Variants in LRP1B observed in about 807,000 individuals in gnomAD.
The protein encoded by LRP1B is LDL receptor related protein 1B.
LRP1B carries 217 observed loss-of-function variants against 556.6 expected under a neutral mutation model. The observed-to-expected ratio is 0.39, with a 90% confidence interval of 0.35 to 0.44. The LOEUF is 0.44. Ranked by LOEUF, LRP1B falls within the 20% of genes least tolerant of loss-of-function variation. The pLI is 1.00. For synonymous variants in LRP1B, 2,047 were observed against 1,865.8 expected (o/e 1.10, Z -2.50); for missense variants, 5,053 against 5,620.8 (o/e 0.90, Z 3.23).
intron 2 of LRP1B, among the ~76,000 whole-genome samples, chr2:141,622,802 A>C (rs1337778015): frequency 6.6e-6 from 1 of 152,190 alleles, no homozygotes; most frequent in African/African-American, 2.4e-5. Flanking sequence ...CCTGCTGCTC[A>C]TTCCAAATTT....
At chr2:140,985,110 T>C (rs951235823) in intron 17 of LRP1B, among the ~76,000 whole-genome samples, 1 of 152,024 alleles carries the variant, frequency 6.6e-6, no homozygotes, top group Non-Finnish European at 1.5e-5. Context: ...GAATTGTTTA[T>C]CTAGCTGCTG....
chr2:141,679,132 T>C (rs1325096936), intron 2 of LRP1B, among the ~76,000 whole-genome samples: 1 of 152,074 alleles, frequency 6.6e-6, no homozygotes, highest in Non-Finnish European at 1.5e-5. Context: ...CCAATGAGAA[T>C]CTGAGACCCT....
chr2:141,996,378 G>A (rs1350593709), intron 1 of LRP1B, among the ~76,000 whole-genome samples: 1 of 144,644 alleles, frequency 6.9e-6, no homozygotes, highest in Non-Finnish European at 1.5e-5. Flanking sequence ...ATGTCATCCT[G>A]ACCTCCCCTA....
chr2:141,085,194 G>T, intron 7 of LRP1B, among the ~76,000 whole-genome samples: 1 of 152,132 alleles, frequency 6.6e-6, no homozygotes, highest in South Asian at 2.1e-4. Context: ...CACATATATA[G>T]ACAAACATTT....
At chr2:141,832,327 T>TCACACACACA (rs869062999) in intron 1 of LRP1B, among the ~76,000 whole-genome samples, 10 of 143,864 alleles carry the variant, frequency 7.0e-5, no homozygotes, top group South Asian at 2.2e-4. Flanking sequence ...TCTTTCTCTC[T>TCACACACACA]CACACACACA....
At chr2:141,252,198 C>A (rs1453219593) in intron 4 of LRP1B, among the ~76,000 whole-genome samples, 1 of 146,822 alleles carries the variant, frequency 6.8e-6, no homozygotes, top group Non-Finnish European at 1.5e-5. Flanking sequence ...CCCACCACCC[C>A]CCACCCCCTA....
At chr2:141,619,621 G>C (rs1688431955) in intron 2 of LRP1B, among the ~76,000 whole-genome samples, 1 of 152,138 alleles carries the variant, frequency 6.6e-6, no homozygotes, top group African/African-American at 2.4e-5. Flanking sequence ...TTAAAAATGA[G>C]TTATTAAGAA....
chr2:140,305,514 C>T (rs1014678924), intron 83 of LRP1B, among the ~76,000 whole-genome samples: 1 of 152,190 alleles, frequency 6.6e-6, no homozygotes, highest in Non-Finnish European at 1.5e-5. Context: ...TATCCTGAGA[C>T]TTTGCTGAAG....
At chr2:140,605,457 T>C (rs116522803) in intron 41 of LRP1B, among the ~76,000 whole-genome samples, 6,249 of 152,270 alleles carry the variant, frequency 0.041, 177 homozygotes, top group Middle Eastern at 0.082. Flanking sequence ...CACTACTTAC[T>C]GAAATTGTGT....
At chr2:141,677,207 T>C (rs1252026360) in intron 2 of LRP1B, among the ~76,000 whole-genome samples, 2 of 151,986 alleles carry the variant, frequency 1.3e-5, no homozygotes. Flanking sequence ...TCATGAACAA[T>C]GAAATTTGTT....
chr2:140,243,814 G>T (rs559781848), intron 87 of LRP1B, among the ~76,000 whole-genome samples: 32 of 151,126 alleles, frequency 2.1e-4, no homozygotes, highest in African/African-American at 6.8e-4. Flanking sequence ...CACGGTTGTT[G>T]TACCTGCTGT....
Position 140,239,816 on chromosome 2 carries a change from C to T in LRP1B, c.13325-284G>A, listed in dbSNP as rs557832859. Among the ~76,000 whole-genome samples the T allele has an allele frequency of 4.0e-5, 6 of 150,896 alleles. No homozygotes were observed. In the South Asian group the frequency reaches 1.2e-3, roughly 31 times the overall value. On this transcript the variant is annotated intron_variant, in intron 87 of 90. Transcript: ENST00000389484. ...TTTGTTGATCTGTGTTTAGTGATTC[C>T]CATCACACACATTTACTAGCAATGA...
intron 3 of LRP1B, among the ~76,000 whole-genome samples, chr2:141,349,264 C>T (rs568236090): frequency 1.9e-4 from 29 of 152,000 alleles, no homozygotes; most frequent in African/African-American, 6.8e-4. Flanking sequence ...TAATGTAACG[C>T]AAAAATGAAA....
intron 41 of LRP1B, among the ~76,000 whole-genome samples, chr2:140,644,976 C>T (rs1684429339): frequency 2.0e-5 from 3 of 151,864 alleles, no homozygotes; most frequent in African/African-American, 7.3e-5. Flanking sequence ...TTGTTCAAGC[C>T]ATTAAACATA....
chr2:140,547,002 G>A (rs1164631727), intron 43 of LRP1B, among the ~76,000 whole-genome samples: 4 of 152,134 alleles, frequency 2.6e-5, no homozygotes, highest in Admixed American at 2.0e-4. Context: ...GAGGGATAAA[G>A]CCTACTTGAT....
intron 2 of LRP1B, among the ~76,000 whole-genome samples, chr2:141,625,337 T>C (rs1168237620): frequency 6.6e-6 from 1 of 152,194 alleles, no homozygotes; most frequent in East Asian, 1.9e-4. Flanking sequence ...ATAGGGTATT[T>C]CAATTGCCTG....
At chr2:141,031,694 C>T (rs959368964) in intron 11 of LRP1B, among the ~76,000 whole-genome samples, 4 of 151,956 alleles carry the variant, frequency 2.6e-5, no homozygotes, top group South Asian at 2.1e-4. Flanking sequence ...CCAAATAAGA[C>T]ACCATTTTAT....
intron 14 of LRP1B, among the ~76,000 whole-genome samples, chr2:141,012,770 A>G (rs1697792778): frequency 6.6e-6 from 1 of 151,922 alleles, no homozygotes; most frequent in African/African-American, 2.4e-5. Context: ...ATAATTTCCA[A>G]TCGATAGCAT....
At chr2:141,111,860 A>T (rs1700760380) in intron 7 of LRP1B, among the ~76,000 whole-genome samples, 1 of 151,934 alleles carries the variant, frequency 6.6e-6, no homozygotes, top group Non-Finnish European at 1.5e-5. Flanking sequence ...CCTGGCTAAC[A>T]TGGTGAAACC....
Sources: gnomAD v4.1 joint callset for allele counts (sites outside exome capture counted in the v4.1 genomes callset) on GRCh38, gnomAD v4.1.1 for gene constraint, MANE v1.5 for transcripts, NCBI Gene and HGNC (gene_info 2026-07-23, HGNC 2026-07-21) for gene names.